FGF13: variants seen among roughly 807,000 people sequenced by gnomAD.
FGF13 encodes the protein fibroblast growth factor homologous factor 2.
In FGF13, 2 loss-of-function variants were observed where a neutral mutation model predicts 19.5. The observed-to-expected ratio is 0.10, with a 90% CI of 0.04 to 0.32. The LOEUF (loss-of-function observed/expected upper bound fraction) is 0.32. Ranked by LOEUF, FGF13 falls within the 10% of genes least tolerant of loss-of-function variation. The pLI, the probability that FGF13 is intolerant of heterozygous loss-of-function variation, is 1.00. For synonymous variants in FGF13, 72 were observed against 76.9 expected, an observed-to-expected ratio of 0.94 and a Z score of 0.33; for missense variants, 113 against 192.7, an observed-to-expected ratio of 0.59 and a Z score of 2.45.
At chrX:138,797,518 T>C (rs1602869008) in intron 3 of FGF13, among the ~76,000 whole-genome samples, 1 of 111,996 alleles carries the variant, frequency 8.9e-6, no homozygotes, top group African/African-American at 3.2e-5. Context: ...TTCTTTCTGC[T>C]TAGGATTGTC....
Position 138,615,977 on chromosome X carries a change from G to A in FGF13, c.*16873C>T. 1 of 111,287 alleles carries A rather than the reference G, an allele frequency of 9.0e-6. No individual in the cohort carries two copies. Among genetic ancestry groups the A allele is most frequent in the Non-Finnish European group, 1.9e-5 (1 of 53,087 alleles). The allele number at this position is 111,287 out of a possible 1,213,427, so 9.2% of individuals were successfully genotyped here. On this transcript the variant is annotated 3_prime_UTR_variant, in exon 5 of 5. Transcript: ENST00000315930. ...ACCCCCATGATTCAGTCCTCCACCT[G>A]GTCCCACCCCTGACACATGGGGATT...
At chrX:139,154,975 G>A (rs945161749) in intron 1 of FGF13, among the ~76,000 whole-genome samples, 2 of 111,538 alleles carry the variant, frequency 1.8e-5, no homozygotes, top group African/African-American at 6.5e-5. Context: ...CCCAGACAAG[G>A]ATGTTGAGGC....
chrX:139,045,137 C>A (rs1171096457), intron 1 of FGF13, among the ~76,000 whole-genome samples: 1 of 112,502 alleles, frequency 8.9e-6, no homozygotes, highest in Non-Finnish European at 1.9e-5. Flanking sequence ...ACAGGCTTAA[C>A]ACCACATGAA....
At chrX:138,692,528 T>C (rs1416320103) in intron 3 of FGF13, among the ~76,000 whole-genome samples, 1 of 111,083 alleles carries the variant, frequency 9.0e-6, no homozygotes, top group East Asian at 2.8e-4. Flanking sequence ...TTTGCTCTCT[T>C]TCATAAAGGT....
intron 1 of FGF13, among the ~76,000 whole-genome samples, chrX:139,180,924 G>C: frequency 8.9e-6 from 1 of 112,329 alleles, no homozygotes; most frequent in Non-Finnish European, 1.9e-5. Context: ...ACATGAAAGA[G>C]AACAGTTCCA....
chrX:138,637,224 T>C (rs1045313014), intron 3 of FGF13, among the ~76,000 whole-genome samples: 4 of 112,389 alleles, frequency 3.6e-5, no homozygotes, highest in Non-Finnish European at 5.6e-5. Context: ...TTATGGGCTG[T>C]GAAAACTCCT....
intron 1 of FGF13, among the ~76,000 whole-genome samples, chrX:138,941,784 A>G (rs562155): frequency 0.051 from 5,678 of 111,699 alleles, 152 homozygotes; most frequent in East Asian, 0.18. Flanking sequence ...ATTCCTCTGA[A>G]AAAAAAGTAG....
intron 3 of FGF13, among the ~76,000 whole-genome samples, chrX:138,657,228 T>C (rs1307242214): frequency 8.9e-6 from 1 of 112,346 alleles, no homozygotes; most frequent in Non-Finnish European, 1.9e-5. Flanking sequence ...ACTAGGTTCT[T>C]GGAAATGAAT....
At chrX:139,151,881 T>C (rs1045432568) in intron 1 of FGF13, among the ~76,000 whole-genome samples, 5 of 112,084 alleles carry the variant, frequency 4.5e-5, no homozygotes, top group African/African-American at 1.6e-4. Flanking sequence ...CTTATACTTA[T>C]CCTTGTTCTA....
chrX:139,049,730 T>C (rs1421145603), intron 1 of FGF13, among the ~76,000 whole-genome samples: 1 of 112,750 alleles, frequency 8.9e-6, no homozygotes, highest in Non-Finnish European at 1.9e-5. Context: ...TGACTTTTCA[T>C]AGTTCAGCCA....
chrX:138,833,631 A>G (rs2091090261), intron 3 of FGF13, among the ~76,000 whole-genome samples: 1 of 111,344 alleles, frequency 9.0e-6, no homozygotes, highest in Non-Finnish European at 1.9e-5. Context: ...CTCTCCTCCT[A>G]TGTGGAGGTG....
intron 1 of FGF13, among the ~76,000 whole-genome samples, chrX:139,159,316 T>C (rs914231847): frequency 1.5e-4 from 16 of 110,038 alleles, no homozygotes; most frequent in African/African-American, 5.3e-4. Flanking sequence ...CTTACAAGAG[T>C]TCCTGAAGGA....
At chrX:139,062,962 C>CT (rs1424593793) in intron 1 of FGF13, among the ~76,000 whole-genome samples, 1 of 112,094 alleles carries the variant, frequency 8.9e-6, no homozygotes, top group Non-Finnish European at 1.9e-5. Context: ...GGGATATTCT[C>CT]TAAGTTCTTC....
intron 1 of FGF13, among the ~76,000 whole-genome samples, chrX:139,180,423 A>G (rs1037781976): frequency 8.9e-6 from 1 of 111,867 alleles, no homozygotes; most frequent in Admixed American, 9.5e-5. Context: ...TCCATGCACA[A>G]ATTGCTCTGA....
intron 1 of FGF13, among the ~76,000 whole-genome samples, chrX:138,895,651 G>A (rs2091500523): frequency 9.0e-6 from 1 of 111,541 alleles, no homozygotes; most frequent in Non-Finnish European, 1.9e-5. Flanking sequence ...AATTTCACAC[G>A]GGTATATATC....
At chrX:138,666,079 G>T (rs1011277721) in intron 3 of FGF13, among the ~76,000 whole-genome samples, 4 of 110,627 alleles carry the variant, frequency 3.6e-5, no homozygotes, top group African/African-American at 1.3e-4. Flanking sequence ...TAATTCCCTG[G>T]CATTTACATT....
intron 3 of FGF13, among the ~76,000 whole-genome samples, chrX:138,689,860 T>G (rs1040429678): frequency 8.9e-6 from 1 of 112,225 alleles, no homozygotes; most frequent in African/African-American, 3.2e-5. Context: ...TTAAAGTGTC[T>G]GTTGAGTGTA....
chrX:138,796,852 G>A (rs1409065161), intron 3 of FGF13, among the ~76,000 whole-genome samples: 1 of 112,141 alleles, frequency 8.9e-6, no homozygotes, highest in Middle Eastern at 4.2e-3. Context: ...CCGCATAAAT[G>A]TCTTCTTTTG....
chrX:138,981,185 A>G (rs1291492764), intron 1 of FGF13, among the ~76,000 whole-genome samples: 2 of 111,152 alleles, frequency 1.8e-5, no homozygotes, highest in African/African-American at 3.3e-5. Context: ...AGTGCTTGTG[A>G]TAAGACTGGA....
Sources: allele counts gnomAD v4.1 joint callset (sites outside exome capture counted in the v4.1 genomes callset), GRCh38; gene constraint gnomAD v4.1.1; transcripts MANE v1.5; gene names NCBI Gene and HGNC (gene_info 2026-07-23, HGNC 2026-07-21).